PDS5B: variants seen among roughly 807,000 people sequenced by gnomAD.
The protein encoded by PDS5B is sister chromatid cohesion protein PDS5 homolog B.
PDS5B carries 51 observed loss-of-function variants against 184.1 expected under a neutral mutation model. That is an observed-to-expected ratio of 0.28 (90% CI 0.22 to 0.35). The LOEUF (loss-of-function observed/expected upper bound fraction) is 0.35. Among genes scored for constraint, PDS5B ranks in the 10% least tolerant of loss-of-function variants. The probability of loss-of-function intolerance (pLI) is 1.00; values close to 1 mark genes in which losing one functional copy is unlikely to be tolerated. For missense variants in PDS5B, 1,180 were observed against 1,723.3 expected, an observed-to-expected ratio of 0.68 and a Z score of 5.58; for synonymous variants, 566 against 569.2, an observed-to-expected ratio of 0.99 and a Z score of 0.08.
At chr13:32,665,089 G>A (rs745474009) in intron 6 of PDS5B, among the ~76,000 whole-genome samples, 2 of 152,130 alleles carry the variant, frequency 1.3e-5, no homozygotes, top group Admixed American at 6.6e-5. Context: ...CTGAATGAAG[G>A]CATCCTTATG....
intron 6 of PDS5B, among the ~76,000 whole-genome samples, chr13:32,663,733 A>G (rs1950712640): frequency 6.6e-6 from 1 of 152,222 alleles, no homozygotes; most frequent in African/African-American, 2.4e-5. Context: ...TTGAAATTTC[A>G]GTAGCTTTTG....
At chr13:32,591,012 TC>T (rs907757358) in intron 1 of PDS5B, among the ~76,000 whole-genome samples, 1 of 151,736 alleles carries the variant, frequency 6.6e-6, no homozygotes, top group Non-Finnish European at 1.5e-5. Context: ...ACTTTTTTCC[TC>T]CCCCCACAGG....
At chr13:32,760,852 C>T in intron 30 of PDS5B, 132 bp downstream of exon 30, 1 of 838,116 alleles carries the variant, frequency 1.2e-6, no homozygotes, top group African/African-American at 1.7e-5. Context: ...TTCCATTTAA[C>T]ATTGGTAGTC....
At chr13:32,664,537 A>G (rs1411490777) in intron 6 of PDS5B, among the ~76,000 whole-genome samples, 2 of 152,186 alleles carry the variant, frequency 1.3e-5, no homozygotes, top group Non-Finnish European at 2.9e-5. Context: ...AATGATGTCA[A>G]TCTTCTGCAT....
chr13:32,622,458 A>G (rs2058315275), intron 1 of PDS5B, among the ~76,000 whole-genome samples: 1 of 152,104 alleles, frequency 6.6e-6, no homozygotes, highest in Admixed American at 6.6e-5. Context: ...TAAGTACCAG[A>G]TTGTCATTAG....
chr13:32,733,033 T>TAG (rs1445471416), intron 20 of PDS5B, among the ~76,000 whole-genome samples: 4 of 152,164 alleles, frequency 2.6e-5, no homozygotes, highest in Non-Finnish European at 5.9e-5. Flanking sequence ...ATCTTTCCTG[T>TAG]AGATAGCAGA....
In PDS5B at chr13:32,635,103, A is replaced by C. The variant is rs1425996374; in HGVS notation, c.-19-13651A>C. On this transcript the variant is annotated intron_variant, in intron 1 of 34. Coordinates refer to ENST00000315596, the MANE Select transcript of PDS5B (RefSeq NM_015032.4). Reference sequence around the variant, plus strand: ...AGCCTTGAACTCCTGGGCTCAAGCCATCCTCCTGCCTCAGCCTCCTGAGAA... The same window carrying C: ...AGCCTTGAACTCCTGGGCTCAAGCCCTCCTCCTGCCTCAGCCTCCTGAGAA... Among the ~76,000 whole-genome samples the C allele has an allele frequency of 7.4e-5, 10 of 135,072 alleles. 1 individual carries two copies. The highest frequency in any genetic ancestry group is 1.5e-5 in the Non-Finnish European group (1 of 65,114). 88.6% of individuals were successfully genotyped at this position (135,072 alleles called of 152,430 possible).
At chr13:32,596,962 G>A (rs886192084) in intron 1 of PDS5B, among the ~76,000 whole-genome samples, 1 of 151,930 alleles carries the variant, frequency 6.6e-6, no homozygotes, top group Non-Finnish European at 1.5e-5. Flanking sequence ...ACAGTATTTT[G>A]ATGAGTGGAA....
chr13:32,745,521 A>G (rs1465037526), intron 23 of PDS5B, among the ~76,000 whole-genome samples: 1 of 152,198 alleles, frequency 6.6e-6, no homozygotes, highest in African/African-American at 2.4e-5. Flanking sequence ...TTTCTGTATT[A>G]GCCTGCTCAG....
chr13:32,617,873 A>G (rs2058241813), intron 1 of PDS5B, among the ~76,000 whole-genome samples: 1 of 152,180 alleles, frequency 6.6e-6, no homozygotes, highest in Admixed American at 6.5e-5. Context: ...ACTTAGTCCC[A>G]TGGTGCTGCT....
chr13:32,731,984 T>C lies in PDS5B; in HGVS notation c.2124-117T>C, dbSNP rs17077787. 2,235 of 744,032 alleles carry C rather than the reference T, an allele frequency of 3.0e-3. 48 individuals are homozygous for C. In the African/African-American group the frequency reaches 0.036, roughly 12 times the overall value. 46.1% of individuals were successfully genotyped at this position (744,032 alleles called of 1,614,324 possible). A position where few individuals can be genotyped will look rare whatever the true frequency, so the allele number is the denominator to read the frequency against. ...CTTTGGAAGTGAGTTTGAGTAAATCTTGGTGACTTTTTCTGACCTTGTAAA... is the reference window on the plus strand; with the variant it reads ...CTTTGGAAGTGAGTTTGAGTAAATCCTGGTGACTTTTTCTGACCTTGTAAA... On this transcript the variant is annotated intron_variant, in intron 19 of 34. Coordinates refer to ENST00000315596, the MANE Select transcript of PDS5B (RefSeq NM_015032.4).
intron 6 of PDS5B, among the ~76,000 whole-genome samples, chr13:32,665,830 A>T (rs1950780725): frequency 6.6e-6 from 1 of 152,102 alleles, no homozygotes; most frequent in African/African-American, 2.4e-5. Context: ...TTCCAGCCAT[A>T]AAAAAATGAA....
intron 1 of PDS5B, among the ~76,000 whole-genome samples, chr13:32,647,669 TA>T (rs1205286615): frequency 6.6e-6 from 1 of 152,016 alleles, no homozygotes; most frequent in African/African-American, 2.4e-5. Flanking sequence ...AAGTTCTATT[TA>T]AAAAAAATCT....
intron 1 of PDS5B, among the ~76,000 whole-genome samples, chr13:32,647,519 A>G (rs1245711443): frequency 6.6e-6 from 1 of 152,178 alleles, no homozygotes; most frequent in Non-Finnish European, 1.5e-5. Context: ...TTTAAGCTCA[A>G]AAGGCCTGCC....
chr13:32,693,738 A>AT (rs1388176953), intron 13 of PDS5B, among the ~76,000 whole-genome samples: 2 of 150,978 alleles, frequency 1.3e-5, no homozygotes, highest in Non-Finnish European at 3.0e-5. Context: ...TACCTGTATG[A>AT]TTTTTTTAGA....
At chr13:32,690,719 G>A (rs1380944532) in intron 13 of PDS5B, 5 of 152,094 alleles carry the variant, frequency 3.3e-5, no homozygotes, top group African/African-American at 4.8e-5. Flanking sequence ...GTGAAACAGT[G>A]CCATTCACAA....
At chr13:32,745,458 A>C (rs17077800) in intron 23 of PDS5B, among the ~76,000 whole-genome samples, 1,574 of 152,340 alleles carry the variant, frequency 0.01, 37 homozygotes, top group African/African-American at 0.036. Flanking sequence ...GTATTAGACA[A>C]CATCTTCCAA....
chr13:32,613,737 T>C (rs1415967033), intron 1 of PDS5B, among the ~76,000 whole-genome samples: 2 of 152,252 alleles, frequency 1.3e-5, no homozygotes, highest in African/African-American at 2.4e-5. Flanking sequence ...TTGTAAGTTT[T>C]AATCATGTCT....
intron 11 of PDS5B, among the ~76,000 whole-genome samples, chr13:32,685,483 G>C (rs770147276): frequency 2.0e-5 from 3 of 152,014 alleles, no homozygotes; most frequent in Non-Finnish European, 4.4e-5. Flanking sequence ...TGGTTGCTTG[G>C]TTCATTCATA....
Sources: gnomAD v4.1 joint callset for allele counts (sites outside exome capture counted in the v4.1 genomes callset) on GRCh38, gnomAD v4.1.1 for gene constraint, MANE v1.5 for transcripts, NCBI Gene and HGNC (gene_info 2026-07-23, HGNC 2026-07-21) for gene names.